Variants in GTSF1 observed in about 807,000 individuals in gnomAD.
The protein encoded by GTSF1 is gametocyte specific factor 1.
In GTSF1, 11 loss-of-function variants were observed where a neutral mutation model predicts 28.9. That is an observed-to-expected ratio of 0.38 (90% confidence interval 0.24 to 0.63). GTSF1 has a LOEUF of 0.63. Ranked by LOEUF, GTSF1 falls within the 30% of genes least tolerant of loss-of-function variation. The pLI is 0.56. For missense variants in GTSF1, 146 were observed against 201.0 expected (o/e 0.73, Z 1.66); for synonymous variants, 69 against 65.6 (o/e 1.05, Z -0.25).
At chr12:54,467,436 T>C (rs906317132) in intron 2 of GTSF1, among the ~76,000 whole-genome samples, 1 of 151,870 alleles carries the variant, frequency 6.6e-6, no homozygotes, top group African/African-American at 2.4e-5. Context: ...TGCCTCAGAC[T>C]CTTGAGTAGC....
At chr12:54,465,003 A>G (rs1777215106) in intron 3 of GTSF1, 64 bp downstream of exon 3, 2 of 907,082 alleles carry the variant, frequency 2.2e-6, no homozygotes, top group Non-Finnish European at 3.5e-6. Context: ...ATTATTTGAT[A>G]TTTATAAAAT....
At chr12:54,463,662 C>A (rs542008882) in intron 3 of GTSF1, among the ~76,000 whole-genome samples, 1 of 152,164 alleles carries the variant, frequency 6.6e-6, no homozygotes, top group Non-Finnish European at 1.5e-5. Flanking sequence ...CTCTGGATGT[C>A]TTTGAAAGCT....
At chr12:54,469,073 T>C (rs967503364) in intron 2 of GTSF1, 4 of 152,202 alleles carry the variant, frequency 2.6e-5, no homozygotes, top group Admixed American at 2.0e-4. Context: ...TTCACATTCT[T>C]CTTCTTTTTT....
At chr12:54,464,826 C>G in intron 3 of GTSF1, 1 of 304,188 alleles carries the variant, frequency 3.3e-6, no homozygotes, top group Non-Finnish European at 6.3e-6. Context: ...TGAGAAGACT[C>G]TAGAGATGCT....
intron 8 of GTSF1, among the ~76,000 whole-genome samples, chr12:54,458,632 C>T (rs566299345): frequency 3.3e-5 from 5 of 151,996 alleles, no homozygotes; most frequent in South Asian, 2.1e-4. Flanking sequence ...TTGGTCTCCC[C>T]GTGCTGGGAT....
chr12:54,472,898 T>C (rs1281112032), intron 1 of GTSF1, among the ~76,000 whole-genome samples: 1 of 152,250 alleles, frequency 6.6e-6, no homozygotes, highest in Non-Finnish European at 1.5e-5. Context: ...AGTTACTTCA[T>C]ACTTTTTCAT....
chr12:54,464,630 A>G (rs1263989045), intron 3 of GTSF1: 1 of 152,580 alleles, frequency 6.6e-6, no homozygotes, highest in Non-Finnish European at 1.5e-5. Context: ...TTGGAGATAC[A>G]GTTATTTTTA....
chr12:54,465,261 G>T, intron 2 of GTSF1, 94 bp from the exon 3 acceptor site: 2 of 743,832 alleles, frequency 2.7e-6, no homozygotes, highest in Non-Finnish European at 4.7e-6. Flanking sequence ...AAGAGACTCT[G>T]TAATAATAGA....
At chr12:54,469,108 C>G (rs1956561226) in intron 2 of GTSF1, among the ~76,000 whole-genome samples, 1 of 152,116 alleles carries the variant, frequency 6.6e-6, no homozygotes, top group African/African-American at 2.4e-5. Flanking sequence ...GAGACGGAGT[C>G]TCGGTCTGTC....
chr12:54,464,414 T>C (rs1461933968), intron 3 of GTSF1, among the ~76,000 whole-genome samples: 1 of 152,210 alleles, frequency 6.6e-6, no homozygotes, highest in South Asian at 2.1e-4. Context: ...AGCTGAATTG[T>C]ATGCAGTTTG....
Position 54,471,290 on chromosome 12 carries a change from A to G in GTSF1, c.-29-13T>C. ...CTGAATCCAAGTGCTGGAAAAAACA[A>G]AAGTGTGATTCAGGAAATCAGAAAT... On this transcript the variant is annotated splice_polypyrimidine_tract_variant and intron_variant, in intron 1 of 8. Coordinates refer to ENST00000305879, the MANE Select transcript of GTSF1 (RefSeq NM_144594.3). The G allele has an allele frequency of 6.4e-7, 1 of 1,574,174 alleles. No individual in the cohort carries two copies. Among genetic ancestry groups the G allele is most frequent in the Non-Finnish European group, 8.6e-7 (1 of 1,158,806 alleles).
At position 54,463,274 on chromosome 12, in the gene GTSF1, T is replaced by C; in HGVS notation, c.141A>G (p.Lys47=). 1 of 1,613,912 alleles carries C rather than the reference T, an allele frequency of 6.2e-7. No individual in the cohort carries two copies. The highest frequency in any genetic ancestry group is 1.1e-5 in the South Asian group (1 of 91,072). Residue 47 remains lysine (K), a synonymous_variant, in exon 4 of 9, where the codon AAA becomes AAG. Coordinates refer to ENST00000305879, the MANE Select transcript of GTSF1 (RefSeq NM_144594.3). The part of the protein sequence containing the change: ...CRKNHPDVAS[K]LATCPFNARH... ...GAGCATTGAAGGGACAAGTAGCCAA[T>C]TTGCTTGCAACATCAGGATGATTCT...
intron 6 of GTSF1, 138 bp from the exon 7 acceptor site, chr12:54,460,609 T>A (rs962683000): frequency 1.9e-5 from 12 of 627,002 alleles, no homozygotes; most frequent in Non-Finnish European, 2.0e-5. Context: ...CACATTTCCA[T>A]CAAAACGTTC....
chr12:54,463,328 T>C, intron 3 of GTSF1, 31 bp from the exon 4 acceptor site: 1 of 1,611,970 alleles, frequency 6.2e-7, no homozygotes, highest in South Asian at 1.1e-5. Context: ...GATCTGTCAG[T>C]TCTCTGGATC....
chr12:54,466,810 A>C (rs2120780781), intron 2 of GTSF1: 1 of 131,080 alleles, frequency 7.6e-6, no homozygotes, highest in East Asian at 2.3e-4. Context: ...TTTTTGATTT[A>C]AAAATCTTTT....
In GTSF1 at chr12:54,460,438, A is replaced by G. The variant is rs781481381; in HGVS notation, c.426T>C (p.Asn142=). Residue 142 remains asparagine, a synonymous_variant, in exon 7 of 9, where the codon AAT becomes AAC. Coordinates refer to ENST00000305879, the MANE Select transcript of GTSF1 (RefSeq NM_144594.3). Reference sequence around the variant, plus strand: ...GAACTCGCATGCCTGAAGCCAGGTTATTCTTATGTTCTGTAACTATGTTGC... The same window carrying G: ...GAACTCGCATGCCTGAAGCCAGGTTGTTCTTATGTTCTGTAACTATGTTGC... ...PASNIVTEHK[N]NLASGMRVPK... is the part of the protein sequence containing the mutation. 1.8e-4 allele frequency: 296 copies of G among 1,613,940 alleles called. No individual in the cohort carries two copies. The highest frequency in any genetic ancestry group is 2.5e-4 in the Non-Finnish European group (292 of 1,179,952).
chr12:54,459,337 T>A, intron 7 of GTSF1: 1 of 1,436,512 alleles, frequency 7.0e-7, no homozygotes, highest in Non-Finnish European at 9.1e-7. Context: ...TATAATTTGG[T>A]GACTTCATTT....
intron 8 of GTSF1, among the ~76,000 whole-genome samples, chr12:54,457,643 T>A (rs1447643393): frequency 6.6e-6 from 1 of 152,128 alleles, no homozygotes; most frequent in Non-Finnish European, 1.5e-5. Flanking sequence ...ACAGTGGCTA[T>A]TCACAGGCAC....
Position 54,462,268 on chromosome 12 carries a change from A to G in GTSF1, c.329-96T>C, listed in dbSNP as rs7960491. 3.8e-3 allele frequency: 3,294 copies of G among 865,328 alleles called. 87 individuals carry two copies. In the African/African-American group the frequency reaches 0.048, roughly 13 times the overall value. The allele number at this position is 865,328 out of a possible 1,614,324, so 53.6% of individuals were successfully genotyped here. On this transcript the variant is annotated intron_variant, in intron 5 of 8. Transcript: ENST00000305879. ...TTATAAGATGGGAAATAATACACCT[A>G]AGTTTTGCAGAAGCAAGTAAAAATT...
Sources: allele counts gnomAD v4.1 joint callset (sites outside exome capture counted in the v4.1 genomes callset), GRCh38; gene constraint gnomAD v4.1.1; transcripts MANE v1.5; gene names NCBI Gene and HGNC (gene_info 2026-07-23, HGNC 2026-07-21).